Variants in KIAA1671 observed in about 807,000 individuals in gnomAD.
KIAA1671 encodes KIAA1671, also known as uncharacterized protein KIAA1671.
In KIAA1671, 52 loss-of-function variants were observed where a neutral mutation model predicts 131.2. The observed-to-expected ratio is 0.40, with a 90% CI of 0.32 to 0.50. The LOEUF (loss-of-function observed/expected upper bound fraction) is 0.50. KIAA1671 is among the 20% of genes least tolerant of loss of function. The pLI, the probability that KIAA1671 is intolerant of heterozygous loss-of-function variation, is 0.73. For synonymous variants in KIAA1671, 1,003 were observed against 961.6 expected, an observed-to-expected ratio of 1.04 and a Z score of -0.80; for missense variants, 2,360 against 2,364.2, an observed-to-expected ratio of 1.00 and a Z score of 0.04.
chr22:25,087,911 T>A (rs1484967882), intron 6 of KIAA1671, among the ~76,000 whole-genome samples: 1 of 152,054 alleles, frequency 6.6e-6, no homozygotes, highest in Non-Finnish European at 1.5e-5. Context: ...ATAAAGGAGA[T>A]CTGGCAGGGA....
At chr22:25,128,187 C>T (rs1932271291) in intron 6 of KIAA1671, among the ~76,000 whole-genome samples, 1 of 152,136 alleles carries the variant, frequency 6.6e-6, no homozygotes, top group African/African-American at 2.4e-5. Flanking sequence ...TGAGGAAGGA[C>T]CCAGAATCTG....
intron 1 of KIAA1671, among the ~76,000 whole-genome samples, chr22:24,965,613 A>G (rs1426187354): frequency 6.6e-6 from 1 of 151,664 alleles, no homozygotes; most frequent in Non-Finnish European, 1.5e-5. Context: ...TGGTGGCGAC[A>G]CCTGTAATCC....
chr22:25,185,391 G>T, intron 11 of KIAA1671: 2 of 417,358 alleles, frequency 4.8e-6, no homozygotes, highest in Non-Finnish European at 8.5e-6. Context: ...GGGCACCATT[G>T]CTGGAGAACT....
intron 8 of KIAA1671, 77 bp from the exon 9 acceptor site, chr22:25,177,271 A>G: frequency 7.3e-7 from 1 of 1,373,460 alleles, no homozygotes; most frequent in Non-Finnish European, 9.8e-7. Flanking sequence ...GAAGCTGTGT[A>G]CCGCCAACTG....
intron 6 of KIAA1671, among the ~76,000 whole-genome samples, chr22:25,165,855 G>A (rs529433989): frequency 1.6e-4 from 24 of 152,222 alleles, no homozygotes; most frequent in African/African-American, 5.3e-4. Context: ...AGGGAAATGG[G>A]GCTGGAGGAG....
At chr22:24,958,980 C>CAAAAAAAAAA (rs59084421) in intron 1 of KIAA1671, among the ~76,000 whole-genome samples, 1 of 77,512 alleles carries the variant, frequency 1.3e-5, no homozygotes, top group African/African-American at 4.1e-5. Flanking sequence ...AACTTCGTAT[C>CAAAAAAAAAA]AAAAAAAAAA....
intron 1 of KIAA1671, chr22:25,011,698 T>C (rs1925052191): frequency 6.8e-6 from 1 of 146,626 alleles, no homozygotes; most frequent in Admixed American, 7.1e-5. Context: ...AGTGCAGTGG[T>C]GCGATCTTGG....
chr22:25,179,297 C>G, intron 9 of KIAA1671: 1 of 1,572,680 alleles, frequency 6.4e-7, no homozygotes, highest in East Asian at 2.4e-5. Flanking sequence ...GGGCGCCGCC[C>G]GTCCCGGGCC....
intron 6 of KIAA1671, chr22:25,051,266 C>G (rs1041469164): frequency 2.6e-5 from 4 of 152,342 alleles, no homozygotes; most frequent in African/African-American, 9.6e-5. Context: ...CAGCTCCTAT[C>G]CTGGTGCCTC....
At chr22:25,142,007 G>T (rs1277939687) in intron 6 of KIAA1671, among the ~76,000 whole-genome samples, 1 of 152,158 alleles carries the variant, frequency 6.6e-6, no homozygotes, top group Non-Finnish European at 1.5e-5. Flanking sequence ...GAGGAGAGAT[G>T]GGATGGGGTG....
chr22:25,136,739 A>G (rs990217702), intron 6 of KIAA1671, among the ~76,000 whole-genome samples: 6 of 152,234 alleles, frequency 3.9e-5, no homozygotes, highest in East Asian at 1.9e-4. Flanking sequence ...GGGCAGAGCT[A>G]TAGACCTTTG....
Position 25,190,568 on chromosome 22 carries a change from A to G in KIAA1671, c.5343-134A>G, listed in dbSNP as rs554982677. On this transcript the variant is annotated intron_variant, in intron 11 of 12. Transcript: ENST00000358431. Reference sequence around the variant, plus strand: ...GCTTATCAGTCCCGTTAATATGGGCATCTTTACCACCTCTGAGTGCTTGCC... The same window carrying G: ...GCTTATCAGTCCCGTTAATATGGGCGTCTTTACCACCTCTGAGTGCTTGCC... 76 of 652,994 alleles carry G rather than the reference A, an allele frequency of 1.2e-4. No individual in the cohort carries two copies. In the African/African-American group the frequency reaches 1.3e-3, roughly 11 times the overall value. The allele number at this position is 652,994 out of a possible 1,614,324, so 40.4% of individuals were successfully genotyped here.
chr22:25,169,535 T>C (rs1933770385), intron 6 of KIAA1671, among the ~76,000 whole-genome samples: 1 of 152,074 alleles, frequency 6.6e-6, no homozygotes, highest in Non-Finnish European at 1.5e-5. Flanking sequence ...ATTGGACTTT[T>C]GGTTTTGTCT....
chr22:25,029,462 C>T lies in KIAA1671; in HGVS notation c.1463C>T (p.Ala488Val). Residue 488 changes from alanine (A) to valine (V), a missense_variant, in exon 3 of 13, where the codon GCC (alanine) becomes GTC (valine). Around this residue, in one of 3 missense-constraint regions of KIAA1671, gnomAD observed 1,185 missense variants for 1,126.2 expected, o/e 1.05. Coordinates refer to ENST00000358431, the MANE Select transcript of KIAA1671 (RefSeq NM_001145206.2). ...CAGGAACGGATCAGAGGCTGGACTGCCGAGAGCTCAGAGGCTAAGCCCGAG... is the reference window on the plus strand; with the variant it reads ...CAGGAACGGATCAGAGGCTGGACTGTCGAGAGCTCAGAGGCTAAGCCCGAG... Reference protein sequence around the residue: ...SVQERIRGWTAESSEAKPEVR... With the variant: ...SVQERIRGWTVESSEAKPEVR... The T allele has an allele frequency of 3.9e-6, 6 of 1,551,232 alleles. No homozygotes were observed. The highest frequency in any genetic ancestry group is 5.2e-6 in the Non-Finnish European group (6 of 1,146,812).
At chr22:25,001,562 G>T (rs1294647314) in intron 1 of KIAA1671, among the ~76,000 whole-genome samples, 1 of 152,204 alleles carries the variant, frequency 6.6e-6, no homozygotes, top group Admixed American at 6.5e-5. Flanking sequence ...CTGGACTGGG[G>T]TGGGGGAGAT....
chr22:25,166,476 C>T (rs934196306), intron 6 of KIAA1671, among the ~76,000 whole-genome samples: 2 of 152,160 alleles, frequency 1.3e-5, no homozygotes, highest in Non-Finnish European at 2.9e-5. Flanking sequence ...TCACCCTCAG[C>T]AATGGACTTG....
At chr22:25,106,505 A>G (rs1296362044) in intron 6 of KIAA1671, among the ~76,000 whole-genome samples, 1 of 152,200 alleles carries the variant, frequency 6.6e-6, no homozygotes, top group Non-Finnish European at 1.5e-5. Flanking sequence ...TGATGACTTC[A>G]TCTCTGAAAA....
At position 25,040,854 on chromosome 22, in the gene KIAA1671, G is replaced by C. The variant is rs200060948; in HGVS notation, c.3724G>C (p.Gly1242Arg). 68 of 1,547,990 alleles carry C rather than the reference G, an allele frequency of 4.4e-5. No homozygotes were observed. The highest frequency in any genetic ancestry group is 5.5e-5 in the Non-Finnish European group (63 of 1,144,690). The change falls in exon 5 of 13, where the codon GGG becomes CGG. Residue 1242 changes from glycine (G) to arginine (R), a missense_variant. Gly to Arg is a moderately radical substitution (Grantham distance 125, BLOSUM62 -2). Transcript: ENST00000358431. ...TCGGGAGAGGCCTGTTCAGCTGGGC[G>C]GGGTGGAGCAGAGAAGGAGGAGCCT... ...LPRERPVQLG[G>R]VEQRRRSLKE... is the part of the protein sequence containing the mutation.
chr22:25,082,110 G>C (rs1601293734), intron 6 of KIAA1671, among the ~76,000 whole-genome samples: 2 of 152,160 alleles, frequency 1.3e-5, no homozygotes, highest in Non-Finnish European at 2.9e-5. Flanking sequence ...AAAGGACTCA[G>C]ATTTGGGGGT....
Sources: gnomAD v4.1 joint callset for allele counts (sites outside exome capture counted in the v4.1 genomes callset) on GRCh38, gnomAD v4.1.1 for gene constraint, gnomAD v4.1.1 regional missense constraint, MANE v1.5 for transcripts, NCBI Gene and HGNC (gene_info 2026-07-23, HGNC 2026-07-21) for gene names.